NKIRAS1: variants seen among roughly 807,000 people sequenced by gnomAD.
NKIRAS1 encodes the protein NFKB inhibitor interacting Ras like 1.
In NKIRAS1, 16 loss-of-function variants were observed where a neutral mutation model predicts 19.8. The ratio of observed to expected loss-of-function variants is 0.81; its 90% CI spans 0.55 to 1.23. The LOEUF (loss-of-function observed/expected upper bound fraction) is 1.23, where lower values mean the gene tolerates loss of function less well. NKIRAS1 is among the 50% of genes most tolerant of loss of function. The pLI, the probability that NKIRAS1 is intolerant of heterozygous loss-of-function variation, is 0.00. For synonymous variants in NKIRAS1, 88 were observed against 79.0 expected (o/e 1.11, Z -0.61); for missense variants, 184 against 220.0 (o/e 0.84, Z 1.04).
At chr3:23,931,368 T>G (rs1705312299) in intron 1 of NKIRAS1, among the ~76,000 whole-genome samples, 1 of 152,252 alleles carries the variant, frequency 6.6e-6, no homozygotes, top group African/African-American at 2.4e-5. Flanking sequence ...TCAATGCCTG[T>G]TCTGCATTGA....
chr3:23,938,659 C>T (rs115140614), intron 1 of NKIRAS1, among the ~76,000 whole-genome samples: 172 of 152,256 alleles, frequency 1.1e-3, no homozygotes, highest in Middle Eastern at 3.4e-3. Context: ...CCTTGATGCT[C>T]CTGTTATAAA....
At position 23,926,825 on chromosome 3, in the gene NKIRAS1, G is replaced by A. The variant is rs1377638446; in HGVS notation, c.-139-15375C>T. 6.6e-6 allele frequency among the ~76,000 whole-genome samples: 1 copy of A among 152,206 alleles called. No individual in the cohort carries two copies. Among genetic ancestry groups the A allele is most frequent in the African/African-American group, 2.4e-5 (1 of 41,454 alleles). The stretch of plus-strand genomic sequence containing the variant: ...ATTTGGCTGCATCTTTTGCCAAACT[G>A]TTGGACCTTTGAAATCAGTTTTATA... On this transcript the variant is annotated intron_variant, in intron 1 of 4. Coordinates refer to the NKIRAS1 transcript ENST00000421515. The surrounding 1 kb of genome is among the most constrained non-coding windows in gnomAD (Gnocchi z 4.3).
chr3:23,937,488 TGA>T (rs1379742784), intron 1 of NKIRAS1, among the ~76,000 whole-genome samples: 2 of 151,932 alleles, frequency 1.3e-5, no homozygotes, highest in African/African-American at 4.8e-5. Context: ...GGAAAATTTG[TGA>T]GTCAGCAATA....
At position 23,891,457 on chromosome 3, in the gene NKIRAS1, G is replaced by GTACTT. The variant is rs1373265913; in HGVS notation, c.*1633_*1637dup. The GTACTT allele has an allele frequency of 2.8e-4, 42 of 152,290 alleles. No homozygotes were observed. The highest frequency in any genetic ancestry group is 8.2e-4 in the African/African-American group (34 of 41,564). The allele number at this position is 152,290 out of a possible 1,614,324, so 9.4% of individuals were successfully genotyped here. A position where few individuals can be genotyped will look rare whatever the true frequency, so the allele number is the denominator to read the frequency against. The stretch of plus-strand genomic sequence containing the variant: ...TAGTTAGTTACCTATATTAGGATCT[G>GTACTT]TACTTTACACAGCTGTAGATGAGGT... On this transcript the variant is annotated 3_prime_UTR_variant, in exon 5 of 5. Coordinates refer to ENST00000425478, the MANE Select transcript of NKIRAS1 (RefSeq NM_020345.4).
chr3:23,901,061 A>G lies in NKIRAS1; in HGVS notation c.95-12T>C, dbSNP rs188700767. The G allele has an allele frequency of 2.3e-3, 3,716 of 1,612,012 alleles. 9 individuals are homozygous for G. Among genetic ancestry groups the G allele is most frequent in the South Asian group, 2.8e-3 (252 of 91,002 alleles). Reference sequence around the variant, plus strand: ...GCAATCTTCCATTCCTGGGATTAAGAAAACAAATTACTCTTTTTGGCTAAG... The same window carrying G: ...GCAATCTTCCATTCCTGGGATTAAGGAAACAAATTACTCTTTTTGGCTAAG... On this transcript the variant is annotated splice_polypyrimidine_tract_variant and intron_variant, in intron 3 of 4. Coordinates refer to ENST00000425478, the MANE Select transcript of NKIRAS1 (RefSeq NM_020345.4).
At chr3:23,915,273 C>A (rs916061517) in intron 1 of NKIRAS1, among the ~76,000 whole-genome samples, 2 of 151,884 alleles carry the variant, frequency 1.3e-5, no homozygotes, top group African/African-American at 4.8e-5. Context: ...CAGTCAGGAG[C>A]CAAGGAATTC....
chr3:23,896,913 G>A (rs1352157803), intron 4 of NKIRAS1, among the ~76,000 whole-genome samples: 1 of 151,832 alleles, frequency 6.6e-6, no homozygotes, highest in Non-Finnish European at 1.5e-5. Flanking sequence ...GTGTGAGAAA[G>A]GGAAAAAAGG....
chr3:23,921,691 C>T (rs576117403), upstream of NKIRAS1: 3,933 of 659,722 alleles, frequency 6.0e-3, 61 homozygotes, highest in South Asian at 0.023. Flanking sequence ...TCTTCTGCCT[C>T]GGCCTCCCAA....
At chr3:23,943,412 G>T (rs995987996) in intron 1 of NKIRAS1, among the ~76,000 whole-genome samples, 12 of 152,068 alleles carry the variant, frequency 7.9e-5, no homozygotes, top group Non-Finnish European at 1.8e-4. Flanking sequence ...TGTATTTTTA[G>T]TAGAGATGGG....
chr3:23,912,831 C>A lies in NKIRAS1; in HGVS notation c.-139-1381G>T, dbSNP rs1184824459. Among the ~76,000 whole-genome samples the A allele has an allele frequency of 2.0e-5, 3 of 151,932 alleles. No individual in the cohort carries two copies. The East Asian group carries it at 5.8e-4, about 29-fold the overall frequency. ...GATAGACTGGATTAAGAAAATATGCCACATACGTCGGGCGCGGTGGCTCAT... is the reference window on the plus strand; with the variant it reads ...GATAGACTGGATTAAGAAAATATGCAACATACGTCGGGCGCGGTGGCTCAT... On this transcript the variant is annotated intron_variant, in intron 1 of 4. Transcript: ENST00000425478.
chr3:23,945,076 C>T (rs1705600140), intron 1 of NKIRAS1, among the ~76,000 whole-genome samples: 1 of 150,310 alleles, frequency 6.7e-6, no homozygotes, highest in Admixed American at 6.6e-5. Context: ...AGGTTTACGG[C>T]ACGGAGGGGA....
chr3:23,926,386 ATTTCTTCTTC>A lies in NKIRAS1; in HGVS notation c.-139-14946_-139-14937del, dbSNP rs1705212969. The stretch of plus-strand genomic sequence containing the variant: ...ACTTAGACCCTTGAAATTCTTCTTT[ATTTCTTCTTC>A]TTTCTTCTTCCTCCTCCTCCTTCCT... On this transcript the variant is annotated intron_variant, in intron 1 of 4. Transcript: ENST00000421515. The surrounding 1 kb of genome is among the most constrained non-coding windows in gnomAD (Gnocchi z 4.3). Among the ~76,000 whole-genome samples, 1 of 151,360 alleles carries A rather than the reference ATTTCTTCTTC, an allele frequency of 6.6e-6. No individual in the cohort carries two copies. Among genetic ancestry groups the A allele is most frequent in the East Asian group, 1.9e-4 (1 of 5,130 alleles).
chr3:23,925,865 A>G (rs888630485), intron 1 of NKIRAS1, among the ~76,000 whole-genome samples: 4 of 152,190 alleles, frequency 2.6e-5, no homozygotes, highest in Admixed American at 6.5e-5. Flanking sequence ...TTTCAATATG[A>G]TAGCCACTAG....
At chr3:23,906,397 C>G (rs141276099) in intron 3 of NKIRAS1, among the ~76,000 whole-genome samples, 1 of 151,922 alleles carries the variant, frequency 6.6e-6, no homozygotes, top group African/African-American at 2.4e-5. Context: ...TCCATGAAAA[C>G]AAAACAAAAA....
At chr3:23,937,111 C>G (rs1185197279) in intron 1 of NKIRAS1, among the ~76,000 whole-genome samples, 1 of 152,028 alleles carries the variant, frequency 6.6e-6, no homozygotes, top group African/African-American at 2.4e-5. Flanking sequence ...TTAGGAGAGG[C>G]CTGGGGTGGT....
At chr3:23,945,265 A>C (rs1205865473) in intron 1 of NKIRAS1, 1 of 152,774 alleles carries the variant, frequency 6.5e-6, no homozygotes, top group Non-Finnish European at 1.5e-5. Flanking sequence ...CGCGGGTCAC[A>C]TGGTCGCGGC....
chr3:23,919,847 C>T (rs57810037), upstream of NKIRAS1: 73 of 1,020,358 alleles, frequency 7.2e-5, no homozygotes, highest in South Asian at 9.9e-4. Context: ...GCAGCTTTAT[C>T]GGAGTGATGG....
In NKIRAS1 at chr3:23,922,823, TTGAGACAGGGTCTCAC is replaced by T. The variant is rs1371896968; in HGVS notation, c.-139-11389_-139-11374del. ...ATCAGTTTAACAATATTTTTTTATT[TTGAGACAGGGTCTCAC>T]TGTTGCCCAGGCTGGAGTGTAGTGG... On this transcript the variant is annotated intron_variant, in intron 1 of 4. Transcript: ENST00000421515. The surrounding 1 kb of genome is among the most constrained non-coding windows in gnomAD (Gnocchi z 4.2). The T allele has an allele frequency of 1.3e-5, 2 of 152,424 alleles. No homozygotes were observed. Among genetic ancestry groups the T allele is most frequent in the East Asian group, 3.9e-4 (2 of 5,190 alleles). The allele number at this position is 152,424 out of a possible 1,614,324, so 9.4% of individuals were successfully genotyped here. A position where few individuals can be genotyped will look rare whatever the true frequency, so the allele number is the denominator to read the frequency against.
intron 1 of NKIRAS1, among the ~76,000 whole-genome samples, chr3:23,914,559 T>C (rs931969622): frequency 1.8e-4 from 28 of 152,194 alleles, no homozygotes; most frequent in African/African-American, 6.8e-4. Context: ...TTGCACAAAA[T>C]AAAATGTAAT....
Sources: allele counts gnomAD v4.1 joint callset (sites outside exome capture counted in the v4.1 genomes callset), GRCh38; gene constraint gnomAD v4.1.1; non-coding constraint Gnocchi (gnomAD v3.1); transcripts MANE v1.5; gene names NCBI Gene and HGNC (gene_info 2026-07-23, HGNC 2026-07-21).